The following SYT6 variants were observed in gnomAD, a reference collection of about 807,000 sequenced individuals.
SYT6 encodes the protein synaptotagmin 6.
In SYT6, 24 loss-of-function variants were observed where a neutral mutation model predicts 38.4. The observed-to-expected ratio is 0.62, with a 90% CI of 0.45 to 0.88. The LOEUF is 0.88. Ranked by LOEUF, SYT6 falls within the 40% of genes least tolerant of loss-of-function variation. The pLI, the probability that SYT6 is intolerant of heterozygous loss-of-function variation, is 0.00. For missense variants in SYT6, 611 were observed against 621.0 expected, an observed-to-expected ratio of 0.98 and a Z score of 0.17; for synonymous variants, 265 against 241.9, an observed-to-expected ratio of 1.10 and a Z score of -0.89.
intron 3 of SYT6, among the ~76,000 whole-genome samples, chr1:114,112,134 T>C (rs937736615): frequency 2.6e-5 from 4 of 152,200 alleles, no homozygotes; most frequent in Admixed American, 1.3e-4. Flanking sequence ...TATGAATAAA[T>C]GATCAACCAG....
chr1:114,090,134 T>A lies in SYT6; in HGVS notation c.*2000A>T, dbSNP rs1222458279. 2 of 152,378 alleles carry A rather than the reference T, an allele frequency of 1.3e-5. No individual in the cohort carries two copies. The highest frequency in any genetic ancestry group is 2.9e-5 in the Non-Finnish European group (2 of 68,056). The allele number at this position is 152,378 out of a possible 1,614,324, so 9.4% of individuals were successfully genotyped here. On this transcript the variant is annotated 3_prime_UTR_variant, in exon 8 of 8. Coordinates refer to ENST00000610222, the MANE Select transcript of SYT6 (RefSeq NM_001253772.2). ...CTTTGTAATGGCAAGGCCTTCAGCA[T>A]CTGTTCACTGACGGAAACGACTATC...
intron 1 of SYT6, among the ~76,000 whole-genome samples, chr1:114,140,282 G>A (rs1413970303): frequency 6.6e-6 from 1 of 151,670 alleles, no homozygotes; most frequent in African/African-American, 2.4e-5. Context: ...ATTGGCACGT[G>A]CACAGGGAAA....
At chr1:114,134,417 C>T (rs1480749708) in intron 3 of SYT6, among the ~76,000 whole-genome samples, 1 of 152,176 alleles carries the variant, frequency 6.6e-6, no homozygotes, top group Non-Finnish European at 1.5e-5. Context: ...GGTCATTTAA[C>T]AAGAAAGTAC....
intron 2 of SYT6, among the ~76,000 whole-genome samples, chr1:114,138,762 C>T (rs1279102975): frequency 1.3e-5 from 2 of 152,218 alleles, no homozygotes; most frequent in East Asian, 3.8e-4. Flanking sequence ...TCCATTGGCT[C>T]CTCACAACTG....
At chr1:114,136,412 GA>G (rs1678486435) in intron 3 of SYT6, among the ~76,000 whole-genome samples, 1 of 152,216 alleles carries the variant, frequency 6.6e-6, no homozygotes, top group Admixed American at 6.5e-5. Context: ...AAGGCCACTG[GA>G]GCTTGGAGGG....
rs568407240 is a variant in SYT6, at chr1:114,137,125, C to T, written c.1071+370G>A. ...CTTTGGTTGTCTAAAGCCACAAAAT[C>T]CTCGGACTGTTTGCTGCTGCAGCAT... On this transcript the variant is annotated intron_variant, in intron 3 of 7. Transcript: ENST00000610222. 1.5e-3 allele frequency among the ~76,000 whole-genome samples: 228 copies of T among 152,326 alleles called. 1 individual carries two copies. Among genetic ancestry groups the T allele is most frequent in the Middle Eastern group, 6.8e-3 (2 of 294 alleles).
chr1:114,129,600 CTTTCTTTCTTTCTTTCCTTTCTTT>C (rs1174082878), intron 3 of SYT6, among the ~76,000 whole-genome samples: 169 of 89,416 alleles, frequency 1.9e-3, no homozygotes, highest in South Asian at 9.3e-3. Flanking sequence ...TTCTTTCTTT[CTTTCTTTCTTTCTTTCCTTTCTTT>C]CTTTCTTTCT....
chr1:114,138,473 C>G (rs1369236088), intron 2 of SYT6, among the ~76,000 whole-genome samples: 1 of 152,156 alleles, frequency 6.6e-6, no homozygotes, highest in African/African-American at 2.4e-5. Flanking sequence ...ATCACCATCA[C>G]CATTTGTTAA....
intron 3 of SYT6, among the ~76,000 whole-genome samples, chr1:114,105,312 C>CG (rs377724391): frequency 6.0e-5 from 9 of 150,520 alleles, no homozygotes; most frequent in South Asian, 2.1e-4. Context: ...CCCTGTTCCC[C>CG]CCCTGGAGAA....
intron 7 of SYT6, 145 bp from the exon 8 acceptor site, chr1:114,092,227 C>T: frequency 1.3e-6 from 1 of 743,968 alleles, no homozygotes; most frequent in Non-Finnish European, 2.2e-6. Flanking sequence ...CATGCAAAAA[C>T]ATAAGGGAAA....
rs200735671 is a variant in SYT6 at position 114,145,524 on chromosome 1, TTTA to T, written c.164-5564_164-5562del. On this transcript the variant is annotated intron_variant, in intron 1 of 7. Transcript: ENST00000610222. ...TAAGTTTTTTTTTTTTTTTTTTTTT[TTTA>T]ACCTGTTATGAGTTCATGATCTAAA... Among the ~76,000 whole-genome samples the T allele has an allele frequency of 9.4e-3, 1,189 of 125,854 alleles. 20 individuals are homozygous for T. The highest frequency in any genetic ancestry group is 0.035 in the African/African-American group (1,017 of 28,906). The allele number at this position is 125,854 out of a possible 152,430, so 82.6% of individuals were successfully genotyped here.
Position 114,139,662 on chromosome 1 carries a change from A to G in SYT6, c.465T>C (p.Arg155=). The G allele has an allele frequency of 6.2e-7, 1 of 1,613,864 alleles. No individual in the cohort carries two copies. The part of the protein sequence containing the change: ...VQMSVKEHIM[R]HTRLQRQTTE... ...TAGTTTGCCGCTGCAGCCGGGTGTG[A>G]CGCATGATGTGCTCCTTGACCGACA... Residue 155 remains arginine (R), a synonymous_variant, in exon 2 of 8, where the codon CGT becomes CGC. Coordinates refer to ENST00000610222, the MANE Select transcript of SYT6 (RefSeq NM_001253772.2).
At chr1:114,135,874 C>T (rs180994634) in intron 3 of SYT6, among the ~76,000 whole-genome samples, 2 of 152,310 alleles carry the variant, frequency 1.3e-5, no homozygotes, top group East Asian at 3.9e-4. Context: ...GTCCAGTTAC[C>T]ATAATGAAGC....
At position 114,137,753 on chromosome 1, in the gene SYT6, G is replaced by A. The variant is rs1158006584; in HGVS notation, c.813C>T (p.Ile271=). The A allele has an allele frequency of 1.2e-6, 2 of 1,614,044 alleles. No homozygotes were observed. The highest frequency in any genetic ancestry group is 1.7e-6 in the Non-Finnish European group (2 of 1,180,040). ...FCGSSDPYVK[I]YLLPDRKCKL... Reference sequence around the variant, plus strand: ...TGCATTTGCGGTCAGGCAGGAGGTAGATCTTGACATAAGGGTCAGAGCTTC... The same window carrying A: ...TGCATTTGCGGTCAGGCAGGAGGTAAATCTTGACATAAGGGTCAGAGCTTC... Residue 271 remains isoleucine (I), a synonymous_variant, in exon 3 of 8, where the codon ATC becomes ATT. Coordinates refer to ENST00000610222, the MANE Select transcript of SYT6 (RefSeq NM_001253772.2).
chr1:114,105,579 G>A lies in SYT6; in HGVS notation c.1072-1858C>T, dbSNP rs1337606526. ...CCACCCCTCCTGCACACAGAACCACGTGGCCTCCGCAGAGCCAGCCATCCC... is the reference window on the plus strand; with the variant it reads ...CCACCCCTCCTGCACACAGAACCACATGGCCTCCGCAGAGCCAGCCATCCC... On this transcript the variant is annotated intron_variant, in intron 3 of 7. Transcript: ENST00000610222. Among the ~76,000 whole-genome samples, 5 of 152,174 alleles carry A rather than the reference G, an allele frequency of 3.3e-5. No homozygotes were observed. In the East Asian group the frequency reaches 5.8e-4, roughly 18 times the overall value.
chr1:114,153,696 C>T lies in SYT6; in HGVS notation c.77G>A (p.Arg26Gln). Reference protein sequence around the residue: ...LAVLASLCRARPPPLGLDVET... With the variant: ...LAVLASLCRAQPPPLGLDVET... ...CACGTCCAGCCCGAGAGGGGGCGGCCGGGCCCGGCACAGCGAGGCGAGGAC... is the reference window on the plus strand; with the variant it reads ...CACGTCCAGCCCGAGAGGGGGCGGCTGGGCCCGGCACAGCGAGGCGAGGAC... Residue 26 changes from arginine to glutamine, a missense_variant, in exon 1 of 8, where the codon CGG becomes CAG. Transcript: ENST00000610222. 1.5e-6 allele frequency: 1 copy of T among 675,608 alleles called. No homozygotes were observed. The highest frequency in any genetic ancestry group is 2.7e-6 in the Non-Finnish European group (1 of 370,608). The allele number at this position is 675,608 out of a possible 1,614,324, so 41.9% of individuals were successfully genotyped here.
At chr1:114,103,799 G>T in intron 3 of SYT6, 78 bp from the exon 4 acceptor site, 2 of 1,533,262 alleles carry the variant, frequency 1.3e-6, no homozygotes, top group Non-Finnish European at 8.8e-7. Context: ...ATCTGCTGGG[G>T]CGCTCTGGGG....
Position 114,103,674 on chromosome 1 carries a change from G to T in SYT6, c.1119C>A (p.Pro373=). 6.2e-7 allele frequency: 1 copy of T among 1,614,138 alleles called. No homozygotes were observed. Among genetic ancestry groups the T allele is most frequent in the Non-Finnish European group, 8.5e-7 (1 of 1,180,016 alleles). ...CTGTGAGGGTGAGCCTGCCTGCAGT[G>T]GGCAGGTAGCAAAGGGAGAACATGA... ...GEIMFSLCYL[P]TAGRLTLTVI... The change falls in exon 4 of 8, where the codon CCC becomes CCA. Residue 373 remains proline (P), a synonymous_variant. Coordinates refer to ENST00000610222, the MANE Select transcript of SYT6 (RefSeq NM_001253772.2).
At chr1:114,098,540 T>C (rs1186196175) in intron 5 of SYT6, among the ~76,000 whole-genome samples, 3 of 152,178 alleles carry the variant, frequency 2.0e-5, no homozygotes, top group African/African-American at 7.2e-5. Flanking sequence ...TGGATGGATA[T>C]GCTGGGTCCA....
Sources: gnomAD v4.1 joint callset for allele counts (sites outside exome capture counted in the v4.1 genomes callset) on GRCh38, gnomAD v4.1.1 for gene constraint, MANE v1.5 for transcripts, NCBI Gene and HGNC (gene_info 2026-07-23, HGNC 2026-07-21) for gene names.